HDAC9: variants seen among roughly 807,000 people sequenced by gnomAD.
The protein encoded by HDAC9 is histone deacetylase 9, also known as MEF-2 interacting transcription repressor (MITR) protein.
In HDAC9, 41 loss-of-function variants were observed where a neutral mutation model predicts 139.4. The ratio of observed to expected loss-of-function variants is 0.29; its 90% CI spans 0.23 to 0.38. The LOEUF is 0.38. Among genes scored for constraint, HDAC9 ranks in the 10% least tolerant of loss-of-function variants. The probability of loss-of-function intolerance (pLI) is 1.00; values close to 1 mark genes in which losing one functional copy is unlikely to be tolerated. For synonymous variants in HDAC9, 517 were observed against 476.2 expected (o/e 1.09, Z -1.12); for missense variants, 1,147 against 1,297.0 (o/e 0.88, Z 1.78).
chr7:18,484,799 A>G (rs1019503305), intron 1 of HDAC9, among the ~76,000 whole-genome samples: 1 of 152,008 alleles, frequency 6.6e-6, no homozygotes. Context: ...GCTTTAGTAA[A>G]CTATGATTAT....
At chr7:18,329,558 A>C (rs548509830) in intron 1 of HDAC9, among the ~76,000 whole-genome samples, 2 of 151,448 alleles carry the variant, frequency 1.3e-5, no homozygotes, top group Non-Finnish European at 3.0e-5. Flanking sequence ...ATCTCTCCAA[A>C]AAAAAAAAAA....
chr7:18,696,465 C>CT (rs1048002318), intron 12 of HDAC9, among the ~76,000 whole-genome samples: 3 of 146,818 alleles, frequency 2.0e-5, no homozygotes, highest in Admixed American at 1.4e-4. Flanking sequence ...GGTTGCTTTT[C>CT]TTTTTTTGCT....
intron 2 of HDAC9, among the ~76,000 whole-genome samples, chr7:18,192,118 G>A (rs952895058): frequency 1.9e-4 from 29 of 152,166 alleles, no homozygotes; most frequent in Admixed American, 5.2e-4. Flanking sequence ...GAACCCGGCC[G>A]GGGGGCGGGG....
At chr7:18,204,061 T>C (rs1467228482) in intron 2 of HDAC9, among the ~76,000 whole-genome samples, 1 of 152,152 alleles carries the variant, frequency 6.6e-6, no homozygotes. Flanking sequence ...CCTAGTTAGA[T>C]ATCAATGGGC....
chr7:18,573,900 C>G (rs185802615), intron 2 of HDAC9, among the ~76,000 whole-genome samples: 12 of 152,340 alleles, frequency 7.9e-5, no homozygotes, highest in Non-Finnish European at 1.5e-4. Context: ...GGCCACAGCT[C>G]TTCTCCCCTT....
intron 2 of HDAC9, among the ~76,000 whole-genome samples, chr7:18,280,926 C>T (rs754528730): frequency 3.3e-5 from 5 of 152,090 alleles, no homozygotes; most frequent in East Asian, 1.9e-4. Context: ...CTTCTTTGTT[C>T]GCTTAATGTT....
chr7:18,365,732 T>A (rs1198735637), intron 1 of HDAC9, among the ~76,000 whole-genome samples: 1 of 152,048 alleles, frequency 6.6e-6, no homozygotes, highest in Non-Finnish European at 1.5e-5. Context: ...GACTATGGAA[T>A]TTGAACATCA....
At chr7:18,730,906 C>G (rs1005979286) in intron 13 of HDAC9, among the ~76,000 whole-genome samples, 1 of 152,130 alleles carries the variant, frequency 6.6e-6, no homozygotes, top group Non-Finnish European at 1.5e-5. Flanking sequence ...TACTCTTGCA[C>G]TTTGGAGCCA....
At chr7:18,971,420 T>A (rs1314452578) in intron 24 of HDAC9, among the ~76,000 whole-genome samples, 3 of 152,216 alleles carry the variant, frequency 2.0e-5, no homozygotes, top group Non-Finnish European at 4.4e-5. Context: ...TAACAGCTCC[T>A]GAAAACCCTA....
intron 1 of HDAC9, among the ~76,000 whole-genome samples, chr7:18,315,035 T>C (rs1799548266): frequency 6.6e-6 from 1 of 152,154 alleles, no homozygotes; most frequent in African/African-American, 2.4e-5. Context: ...CTAAATAATA[T>C]TAACCACACA....
intron 1 of HDAC9, among the ~76,000 whole-genome samples, chr7:18,473,594 G>T (rs1194358549): frequency 6.6e-6 from 1 of 152,218 alleles, no homozygotes; most frequent in African/African-American, 2.4e-5. Flanking sequence ...TATAAGAAGA[G>T]ATTATTTTGG....
intron 1 of HDAC9, among the ~76,000 whole-genome samples, chr7:18,339,744 A>G (rs1781859227): frequency 6.6e-6 from 1 of 151,528 alleles, no homozygotes; most frequent in Non-Finnish European, 1.5e-5. Flanking sequence ...ACTGGGGATT[A>G]AAAACATAAC....
At chr7:18,940,255 T>C in intron 23 of HDAC9, among the ~76,000 whole-genome samples, 1 of 152,196 alleles carries the variant, frequency 6.6e-6, no homozygotes, top group East Asian at 1.9e-4. Flanking sequence ...CATTTTCTTC[T>C]TTTTAAATAT....
At chr7:18,891,556 TAG>T (rs1800682324) in intron 22 of HDAC9, among the ~76,000 whole-genome samples, 1 of 152,164 alleles carries the variant, frequency 6.6e-6, no homozygotes, top group Non-Finnish European at 1.5e-5. Context: ...GCTTAAGAGC[TAG>T]TAAGTACCAG....
chr7:18,886,589 A>G (rs1585225705), intron 22 of HDAC9, among the ~76,000 whole-genome samples: 1 of 152,084 alleles, frequency 6.6e-6, no homozygotes, highest in Non-Finnish European at 1.5e-5. Flanking sequence ...ATTTTGTGCC[A>G]CAATTGATGG....
At chr7:18,824,687 T>A (rs1424595211) in intron 17 of HDAC9, among the ~76,000 whole-genome samples, 1 of 152,116 alleles carries the variant, frequency 6.6e-6, no homozygotes, top group Non-Finnish European at 1.5e-5. Context: ...TGTGTGCATG[T>A]TGGAATCATA....
At chr7:18,735,401 T>G (rs190584420) in intron 13 of HDAC9, among the ~76,000 whole-genome samples, 23 of 152,220 alleles carry the variant, frequency 1.5e-4, no homozygotes, top group African/African-American at 5.1e-4. Flanking sequence ...CCATCCTGAG[T>G]TAATTTTTGT....
intron 1 of HDAC9, among the ~76,000 whole-genome samples, chr7:18,146,734 A>T (rs2128115199): frequency 6.6e-6 from 1 of 152,292 alleles, no homozygotes; most frequent in South Asian, 2.1e-4. Flanking sequence ...CAGTATTTTA[A>T]GTTATTAATG....
chr7:18,937,827 A>G (rs1203197821), intron 23 of HDAC9, among the ~76,000 whole-genome samples: 1 of 152,210 alleles, frequency 6.6e-6, no homozygotes, highest in African/African-American at 2.4e-5. Context: ...CCTATGTGGA[A>G]GGAAATCAGG....
Sources: gnomAD v4.1 joint callset for allele counts (sites outside exome capture counted in the v4.1 genomes callset) on GRCh38, gnomAD v4.1.1 for gene constraint, MANE v1.5 for transcripts, NCBI Gene and HGNC (gene_info 2026-07-23, HGNC 2026-07-21) for gene names.